TFEB: variants seen among roughly 807,000 people sequenced by gnomAD.
TFEB encodes the protein transcription factor EB.
Under a neutral mutation model 48.0 loss-of-function variants are expected in TFEB, and 12 were observed. That is an observed-to-expected ratio of 0.25 (90% CI 0.16 to 0.40). TFEB has a LOEUF of 0.40. TFEB is among the 10% of genes least tolerant of loss of function. The pLI, the probability that TFEB is intolerant of heterozygous loss-of-function variation, is 1.00. For synonymous variants in TFEB, 244 were observed against 261.4 expected (o/e 0.93, Z 0.64); for missense variants, 509 against 640.3 (o/e 0.79, Z 2.21).
rs1016547809 is a variant in TFEB at position 41,729,805 on chromosome 6, C to T, written c.-23+5545G>A. On this transcript the variant is annotated intron_variant, in intron 1 of 8. Coordinates refer to ENST00000373033, the MANE Select transcript of TFEB (RefSeq NM_001271944.2). ...TCTCAGAAGTGGTCCATGCCCCTGGCGACCTGCCTTCAAAAGGGGACAGGC... is the reference window on the plus strand; with the variant it reads ...TCTCAGAAGTGGTCCATGCCCCTGGTGACCTGCCTTCAAAAGGGGACAGGC... Among the ~76,000 whole-genome samples the T allele has an allele frequency of 4.6e-5, 7 of 152,216 alleles. No homozygotes were observed. In the South Asian group the frequency reaches 1.2e-3, roughly 27 times the overall value.
chr6:41,735,842 C>T (rs1275379698), upstream of TFEB, among the ~76,000 whole-genome samples: 1 of 152,200 alleles, frequency 6.6e-6, no homozygotes, highest in Non-Finnish European at 1.5e-5. Context: ...AGTCCCAAAC[C>T]AGGGCTCACT....
chr6:41,734,492 C>G lies in TFEB; in HGVS notation c.-23+858G>C, dbSNP rs932997218. On this transcript the variant is annotated intron_variant, in intron 1 of 8. Coordinates refer to ENST00000373033, the MANE Select transcript of TFEB (RefSeq NM_001271944.2). This position sits in a 1 kb window ranked among gnomAD's most constrained non-coding sequence, Gnocchi z 4.0. ...CGCGCTGGGCCAGAGCTGGTCGGGA[C>G]AGCCCAGGGGTGGGCGGCACGGACT... The G allele has an allele frequency of 6.5e-5, 34 of 524,006 alleles. No individual in the cohort carries two copies. In the African/African-American group the frequency reaches 7.3e-4, roughly 11 times the overall value. The allele number at this position is 524,006 out of a possible 1,614,324, so 32.5% of individuals were successfully genotyped here. A position where few individuals can be genotyped will look rare whatever the true frequency, so the allele number is the denominator to read the frequency against.
chr6:41,702,573 C>T (rs1038625008), intron 1 of TFEB, among the ~76,000 whole-genome samples: 3 of 152,178 alleles, frequency 2.0e-5, no homozygotes, highest in African/African-American at 7.2e-5. Context: ...CTGCTCATGT[C>T]CCCTGCAGGA....
At chr6:41,725,514 C>T (rs1771167289) in intron 1 of TFEB, among the ~76,000 whole-genome samples, 1 of 152,182 alleles carries the variant, frequency 6.6e-6, no homozygotes. Flanking sequence ...GGCTTCTTAG[C>T]CCCAGCAGGC....
intron 1 of TFEB, among the ~76,000 whole-genome samples, chr6:41,713,651 G>T (rs934366282): frequency 6.6e-6 from 1 of 152,166 alleles, no homozygotes; most frequent in African/African-American, 2.4e-5. Context: ...GGGAAAGGCA[G>T]ACAGCCAGGC....
At chr6:41,697,507 C>A (rs1327200972) in intron 1 of TFEB, among the ~76,000 whole-genome samples, 1 of 150,592 alleles carries the variant, frequency 6.6e-6, no homozygotes, top group East Asian at 1.9e-4. Context: ...CTCCAAACCC[C>A]CCCCCTTCCC....
intron 7 of TFEB, 118 bp from the exon 8 acceptor site, chr6:41,686,355 A>G (rs1769002313): frequency 5.1e-6 from 7 of 1,366,540 alleles, no homozygotes; most frequent in African/African-American, 1.4e-5. Flanking sequence ...GCAACCCCAG[A>G]CCTGGAGGTG....
chr6:41,690,433 T>G (rs1272503426), intron 3 of TFEB, among the ~76,000 whole-genome samples: 1 of 152,210 alleles, frequency 6.6e-6, no homozygotes, highest in East Asian at 1.9e-4. Context: ...CCTGACTTCC[T>G]AGCAGAGCTT....
intron 1 of TFEB, chr6:41,733,444 A>G (rs1771534020): frequency 8.8e-6 from 2 of 228,276 alleles, no homozygotes; most frequent in African/African-American, 4.7e-5. Flanking sequence ...TGAGGACAAA[A>G]TAACCCTGCA....
At chr6:41,698,000 A>C (rs1236738994) in intron 1 of TFEB, among the ~76,000 whole-genome samples, 4 of 152,186 alleles carry the variant, frequency 2.6e-5, no homozygotes, top group Non-Finnish European at 5.9e-5. Context: ...TTGGAATGTT[A>C]TTCTTTCTCT....
At chr6:41,706,712 C>G (rs1460565759) in intron 1 of TFEB, among the ~76,000 whole-genome samples, 1 of 151,986 alleles carries the variant, frequency 6.6e-6, no homozygotes, top group East Asian at 1.9e-4. Context: ...GCCACCATCT[C>G]CCCCCATAGA....
intron 1 of TFEB, among the ~76,000 whole-genome samples, chr6:41,704,667 A>G (rs1770111485): frequency 6.6e-6 from 1 of 152,224 alleles, no homozygotes; most frequent in Non-Finnish European, 1.5e-5. Flanking sequence ...GGGCACATTA[A>G]AGACACTTTA....
At chr6:41,693,717 C>A (rs563330324) in intron 1 of TFEB, among the ~76,000 whole-genome samples, 105 of 152,204 alleles carry the variant, frequency 6.9e-4, no homozygotes, top group African/African-American at 2.4e-3. Flanking sequence ...TGTCTCAGCT[C>A]CTTGGGTCTC....
In TFEB at chr6:41,729,074, C is replaced by A. The variant is rs191577925; in HGVS notation, c.-23+6276G>T. The stretch of plus-strand genomic sequence containing the variant: ...CCTGAGGACTGGCGGGCTCAGACAC[C>A]AATCTCGCCCCCACTCCCGGCCCCG... On this transcript the variant is annotated intron_variant, in intron 1 of 8. Transcript: ENST00000373033. Among the ~76,000 whole-genome samples the A allele has an allele frequency of 7.5e-3, 1,148 of 152,122 alleles. 19 individuals are homozygous for A. Among genetic ancestry groups the A allele is most frequent in the African/African-American group, 0.026 (1,085 of 41,486 alleles).
At chr6:41,700,193 G>A (rs375758642) in intron 1 of TFEB, among the ~76,000 whole-genome samples, 32 of 151,846 alleles carry the variant, frequency 2.1e-4, no homozygotes, top group African/African-American at 6.1e-4. Flanking sequence ...GAGGCTGGGC[G>A]CGGTGGCTCA....
intron 1 of TFEB, among the ~76,000 whole-genome samples, chr6:41,699,253 G>A (rs951946510): frequency 6.6e-6 from 1 of 152,252 alleles, no homozygotes; most frequent in African/African-American, 2.4e-5. Flanking sequence ...GGGCAGAGGG[G>A]AGGTGTCACC....
At chr6:41,702,723 C>G (rs1470769182) in intron 1 of TFEB, among the ~76,000 whole-genome samples, 1 of 152,202 alleles carries the variant, frequency 6.6e-6, no homozygotes, top group Non-Finnish European at 1.5e-5. Context: ...AGCTCTGACT[C>G]TCTGAGATGA....
intron 1 of TFEB, among the ~76,000 whole-genome samples, chr6:41,704,590 T>C (rs1770108123): frequency 6.6e-6 from 1 of 152,218 alleles, no homozygotes; most frequent in Non-Finnish European, 1.5e-5. Flanking sequence ...AGAAACAGGC[T>C]CTCAGGCCCT....
rs1359164775 is a variant in TFEB at position 41,684,459 on chromosome 6, A to C, written c.*140T>G. 8.7e-7 allele frequency: 1 copy of C among 1,147,982 alleles called. No homozygotes were observed. Among genetic ancestry groups the C allele is most frequent in the African/African-American group, 1.6e-5 (1 of 62,568 alleles). The allele number at this position is 1,147,982 out of a possible 1,614,324, so 71.1% of individuals were successfully genotyped here. On this transcript the variant is annotated 3_prime_UTR_variant, in exon 9 of 9. Coordinates refer to ENST00000373033, the MANE Select transcript of TFEB (RefSeq NM_001271944.2). Reference sequence around the variant, plus strand: ...GGCTGCCAGACAGGCACTAAGTCCAAACAGGGGCCAACGGGGAGGAGGGAG... The same window carrying C: ...GGCTGCCAGACAGGCACTAAGTCCACACAGGGGCCAACGGGGAGGAGGGAG...
Sources: allele counts gnomAD v4.1 joint callset (sites outside exome capture counted in the v4.1 genomes callset), GRCh38; gene constraint gnomAD v4.1.1; non-coding constraint Gnocchi (gnomAD v3.1); transcripts MANE v1.5; gene names NCBI Gene and HGNC (gene_info 2026-07-23, HGNC 2026-07-21).